Variants in PLEKHA1 observed in about 807,000 individuals in gnomAD.
The protein encoded by PLEKHA1 is pleckstrin homology domain containing A1.
In PLEKHA1, 34 loss-of-function variants were observed where a neutral mutation model predicts 52.0. The ratio of observed to expected loss-of-function variants is 0.65; its 90% CI spans 0.50 to 0.87. The LOEUF (loss-of-function observed/expected upper bound fraction) is 0.87, where lower values mean the gene tolerates loss of function less well. Among genes scored for constraint, PLEKHA1 ranks in the 40% least tolerant of loss-of-function variants. PLEKHA1 has a pLI of 0.00. For missense variants in PLEKHA1, 497 were observed against 504.2 expected, an observed-to-expected ratio of 0.99 and a Z score of 0.14; for synonymous variants, 163 against 170.7, an observed-to-expected ratio of 0.95 and a Z score of 0.35.
At chr10:122,401,005 T>C (rs563073813) in intron 4 of PLEKHA1, among the ~76,000 whole-genome samples, 5 of 152,158 alleles carry the variant, frequency 3.3e-5, no homozygotes, top group African/African-American at 1.2e-4. Flanking sequence ...CAAATCTTTA[T>C]TGGGGAGCTC....
chr10:122,385,534 T>G (rs2096679724), intron 1 of PLEKHA1, among the ~76,000 whole-genome samples: 1 of 152,176 alleles, frequency 6.6e-6, no homozygotes, highest in Non-Finnish European at 1.5e-5. Flanking sequence ...CAGGCTGGTC[T>G]TGAACTCCCA....
chr10:122,394,630 C>G (rs1429119008), intron 2 of PLEKHA1, among the ~76,000 whole-genome samples: 2 of 152,182 alleles, frequency 1.3e-5, no homozygotes, highest in African/African-American at 4.8e-5. Context: ...TCACTATATA[C>G]TGATTTTAGA....
Position 122,424,267 on chromosome 10 carries a change from A to G in PLEKHA1, c.746+4A>G. On this transcript the variant is annotated splice_donor_region_variant and intron_variant, in intron 9 of 11. Coordinates refer to ENST00000368990, the MANE Select transcript of PLEKHA1 (RefSeq NM_001001974.4). ...AAGTCCAGGAATGTAAGCAAAGGTAAGGAACCGCTCTGACTTGATGCCTGG... is the reference window on the plus strand; with the variant it reads ...AAGTCCAGGAATGTAAGCAAAGGTAGGGAACCGCTCTGACTTGATGCCTGG... The G allele has an allele frequency of 6.3e-7, 1 of 1,596,988 alleles. No individual in the cohort carries two copies. The highest frequency in any genetic ancestry group is 2.2e-5 in the East Asian group (1 of 44,762).
intron 6 of PLEKHA1, among the ~76,000 whole-genome samples, chr10:122,414,007 T>G (rs764786459): frequency 3.3e-5 from 5 of 152,134 alleles, no homozygotes; most frequent in Non-Finnish European, 7.4e-5. Context: ...TTGAGTGCTT[T>G]CTTTATGCTT....
chr10:122,418,795 A>G (rs539819584), intron 8 of PLEKHA1: 1 of 152,184 alleles, frequency 6.6e-6, no homozygotes, highest in Non-Finnish European at 1.5e-5. Flanking sequence ...TGTAGTATAA[A>G]TGTCTATCCT....
At chr10:122,426,312 T>C (rs955180111) in intron 10 of PLEKHA1, among the ~76,000 whole-genome samples, 9 of 152,022 alleles carry the variant, frequency 5.9e-5, no homozygotes, top group African/African-American at 2.2e-4. Flanking sequence ...TTTTAGTCTT[T>C]GTTAATATTA....
intron 4 of PLEKHA1, among the ~76,000 whole-genome samples, chr10:122,401,813 T>C (rs1213941594): frequency 6.6e-6 from 1 of 152,172 alleles, no homozygotes; most frequent in Admixed American, 6.5e-5. Context: ...AAAGAGACTT[T>C]CACATTAAAG....
chr10:122,398,260 ATCTT>A (rs900548517), intron 3 of PLEKHA1, among the ~76,000 whole-genome samples: 1 of 152,150 alleles, frequency 6.6e-6, no homozygotes, highest in Non-Finnish European at 1.5e-5. Flanking sequence ...AACAAATTCT[ATCTT>A]GAGAAAGTCT....
chr10:122,417,423 C>T (rs915268540), intron 7 of PLEKHA1, among the ~76,000 whole-genome samples: 2 of 151,546 alleles, frequency 1.3e-5, no homozygotes, highest in Non-Finnish European at 2.9e-5. Flanking sequence ...CCAAGGTGGG[C>T]GGATCACCTG....
At chr10:122,401,145 G>A (rs183902773) in intron 4 of PLEKHA1, among the ~76,000 whole-genome samples, 91 of 152,230 alleles carry the variant, frequency 6.0e-4, no homozygotes, top group Non-Finnish European at 1.2e-3. Context: ...GGAGAAGAGC[G>A]TGGTGTCTCT....
intron 7 of PLEKHA1, among the ~76,000 whole-genome samples, chr10:122,417,451 C>T (rs2097194225): frequency 6.6e-6 from 1 of 151,864 alleles, no homozygotes; most frequent in Non-Finnish European, 1.5e-5. Flanking sequence ...GAGTTTGAGA[C>T]CAGCCTGACT....
chr10:122,378,917 A>G (rs1160316077), intron 1 of PLEKHA1, among the ~76,000 whole-genome samples: 1 of 152,046 alleles, frequency 6.6e-6, no homozygotes. Context: ...CTCCTGGGAT[A>G]CTTCTTTCCT....
Position 122,393,331 on chromosome 10 carries a change from A to T in PLEKHA1, c.131A>T (p.Asp44Val). The T allele has an allele frequency of 6.2e-7, 1 of 1,605,670 alleles. No homozygotes were observed. Among genetic ancestry groups the T allele is most frequent in the Non-Finnish European group, 8.5e-7 (1 of 1,176,854 alleles). ...TREDSFVWYM[D>V]NPQNLPSGSS... ...GAAGATAGTTTCGTGTGGTACATGG[A>T]TAATCCACAGGTTTGTAAAATCCCA... is the stretch of plus-strand genomic sequence containing the variant. Residue 44 changes from aspartate (D) to valine (V), a missense_variant, in exon 2 of 12, where the codon GAT (aspartate) becomes GTT (valine). Physicochemically the swap from Asp to Val is radical, Grantham distance 152. Transcript: ENST00000368990. This position sits in a 1 kb window ranked among gnomAD's most constrained non-coding sequence, Gnocchi z 4.5.
intron 8 of PLEKHA1, chr10:122,418,234 A>G: frequency 3.1e-6 from 1 of 319,186 alleles, no homozygotes; most frequent in Non-Finnish European, 5.8e-6. Context: ...AATTTCCTCT[A>G]AAGGGGCTGT....
intron 1 of PLEKHA1, among the ~76,000 whole-genome samples, chr10:122,377,268 G>T (rs1298342943): frequency 6.6e-6 from 1 of 152,074 alleles, no homozygotes; most frequent in African/African-American, 2.4e-5. Flanking sequence ...AAAATTTTGG[G>T]TTGATATAAC....
chr10:122,405,767 T>C lies in PLEKHA1; in HGVS notation c.245-809T>C, dbSNP rs150992832. Among the ~76,000 whole-genome samples the C allele has an allele frequency of 1.6e-3, 240 of 152,104 alleles. 2 individuals are homozygous for C. The highest frequency in any genetic ancestry group is 4.1e-3 in the African/African-American group (169 of 41,516). On this transcript the variant is annotated intron_variant, in intron 4 of 11. Coordinates refer to ENST00000368990, the MANE Select transcript of PLEKHA1 (RefSeq NM_001001974.4). ...GTAGTATTACTATAACCTAGGGCAG[T>C]GGAGTAGAAGCCACCATGGAGCTAT...
chr10:122,409,375 A>G (rs2097072913), intron 5 of PLEKHA1, among the ~76,000 whole-genome samples: 1 of 152,246 alleles, frequency 6.6e-6, no homozygotes, highest in Non-Finnish European at 1.5e-5. Context: ...GGGAGTATCA[A>G]TGACTGGAGT....
chr10:122,415,783 T>A (rs1479797079), intron 6 of PLEKHA1, 76 bp from the exon 7 acceptor site: 2 of 1,383,896 alleles, frequency 1.4e-6, no homozygotes, highest in East Asian at 2.5e-5. Context: ...ATTTTAAGAT[T>A]TTCTACTGGG....
At chr10:122,404,125 C>G (rs1320808130) in intron 4 of PLEKHA1, among the ~76,000 whole-genome samples, 1 of 152,178 alleles carries the variant, frequency 6.6e-6, no homozygotes, top group Non-Finnish European at 1.5e-5. Flanking sequence ...GAATGAGTGA[C>G]ATTCCCATTT....
Sources: allele counts gnomAD v4.1 joint callset (sites outside exome capture counted in the v4.1 genomes callset), GRCh38; gene constraint gnomAD v4.1.1; non-coding constraint Gnocchi (gnomAD v3.1); transcripts MANE v1.5; gene names NCBI Gene and HGNC (gene_info 2026-07-23, HGNC 2026-07-21).